The following TENM3 variants were observed in gnomAD, a reference collection of about 807,000 sequenced individuals.
The protein encoded by TENM3 is teneurin-3.
Under a neutral mutation model 255.1 loss-of-function variants are expected in TENM3, and 63 were observed. That is an observed-to-expected ratio of 0.25 (90% CI 0.20 to 0.30). The LOEUF (loss-of-function observed/expected upper bound fraction) is 0.30. Among genes scored for constraint, TENM3 ranks in the 10% least tolerant of loss-of-function variants. TENM3 has a pLI of 1.00. For missense variants in TENM3, 2,929 were observed against 3,461.1 expected, an observed-to-expected ratio of 0.85 and a Z score of 3.86; for synonymous variants, 1,306 against 1,322.3, an observed-to-expected ratio of 0.99 and a Z score of 0.27.
chr4:182,659,640 C>G (rs1754052843), intron 6 of TENM3, among the ~76,000 whole-genome samples: 1 of 152,146 alleles, frequency 6.6e-6, no homozygotes, highest in Admixed American at 6.5e-5. Context: ...TAAGTTCCTT[C>G]AACTCTGACC....
intron 6 of TENM3, among the ~76,000 whole-genome samples, chr4:182,667,291 A>G (rs989287201): frequency 6.6e-6 from 1 of 152,032 alleles, no homozygotes; most frequent in African/African-American, 2.4e-5. Flanking sequence ...CCCAGGTTCA[A>G]GTGATTCTCC....
chr4:181,813,173 C>T, the TENM3 span, among the ~76,000 whole-genome samples: 1 of 152,160 alleles, frequency 6.6e-6, no homozygotes, highest in African/African-American at 2.4e-5. Context: ...TCACCTCACA[C>T]AATGGAAAAG....
At chr4:182,575,318 A>G (rs1744813907) in intron 3 of TENM3, among the ~76,000 whole-genome samples, 1 of 152,208 alleles carries the variant, frequency 6.6e-6, no homozygotes, top group Non-Finnish European at 1.5e-5. Context: ...AGAAAAGAAA[A>G]ACGGGTTGGT....
At chr4:182,308,359 C>T (rs934755078) in intron 1 of TENM3, among the ~76,000 whole-genome samples, 1 of 152,048 alleles carries the variant, frequency 6.6e-6, no homozygotes, top group Admixed American at 6.6e-5. Context: ...CTCTGTCACC[C>T]AGGCTGGAGT....
intron 3 of TENM3, among the ~76,000 whole-genome samples, chr4:182,551,665 G>A (rs942907436): frequency 6.6e-6 from 1 of 152,046 alleles, no homozygotes; most frequent in Non-Finnish European, 1.5e-5. Flanking sequence ...TGTTCATTAT[G>A]CAGACCAGTG....
chr4:181,539,723 C>T, the TENM3 span, among the ~76,000 whole-genome samples: 7 of 152,142 alleles, frequency 4.6e-5, no homozygotes, highest in African/African-American at 1.7e-4. Flanking sequence ...TAAATTAACT[C>T]TTATGTCACT....
chr4:182,168,992 G>C (rs971188779), intron 1 of TENM3, among the ~76,000 whole-genome samples: 1 of 151,646 alleles, frequency 6.6e-6, no homozygotes, highest in Non-Finnish European at 1.5e-5. Context: ...CATTCACATG[G>C]TCCAAAGTGA....
intron 3 of TENM3, among the ~76,000 whole-genome samples, chr4:182,490,447 T>C (rs1018261764): frequency 1.3e-5 from 2 of 152,090 alleles, no homozygotes; most frequent in African/African-American, 2.4e-5. Context: ...TGAGGGACAG[T>C]GCTGGGTGAC....
the TENM3 span, among the ~76,000 whole-genome samples, chr4:181,749,504 C>T: frequency 6.6e-6 from 1 of 152,054 alleles, no homozygotes; most frequent in Non-Finnish European, 1.5e-5. Context: ...CTCATTTCTG[C>T]CCATTCAAAA....
At chr4:182,086,593 T>C in the TENM3 span, among the ~76,000 whole-genome samples, 2 of 152,234 alleles carry the variant, frequency 1.3e-5, no homozygotes, top group South Asian at 4.1e-4. Context: ...TGTAGGAAGG[T>C]GTTTTTTTCT....
chr4:182,740,098 C>A (rs1761488114), intron 18 of TENM3, among the ~76,000 whole-genome samples: 1 of 152,144 alleles, frequency 6.6e-6, no homozygotes, highest in Non-Finnish European at 1.5e-5. Context: ...TCTGAGAAAA[C>A]CAGTAGTAAG....
the TENM3 span, among the ~76,000 whole-genome samples, chr4:181,527,620 GT>G: frequency 2.7e-5 from 4 of 148,358 alleles, no homozygotes; most frequent in East Asian, 7.9e-4. Flanking sequence ...GCCCAGCCAG[GT>G]TTTGTTTTTT....
chr4:182,590,538 C>CAAAAAAAAAAAAAAAAAAAAAAAAAAA (rs34681777), intron 3 of TENM3, among the ~76,000 whole-genome samples: 2 of 79,962 alleles, frequency 2.5e-5, no homozygotes, highest in African/African-American at 5.1e-5. Context: ...GACCCTGTCT[C>CAAAAAAAAAAAAAAAAAAAAAAAAAAA]AAAAAAAAAA....
At chr4:182,333,014 T>C (rs1290881258) in intron 2 of TENM3, among the ~76,000 whole-genome samples, 1 of 152,176 alleles carries the variant, frequency 6.6e-6, no homozygotes, top group East Asian at 1.9e-4. Context: ...TTTCAGAAGA[T>C]GGAGCAAACT....
the TENM3 span, among the ~76,000 whole-genome samples, chr4:181,474,952 T>G: frequency 6.6e-6 from 1 of 152,246 alleles, no homozygotes; most frequent in Admixed American, 6.5e-5. Context: ...TCTAAGCGTA[T>G]GAAAAACACT....
the TENM3 span, among the ~76,000 whole-genome samples, chr4:181,700,578 T>A: frequency 4.6e-5 from 7 of 152,218 alleles, no homozygotes; most frequent in Non-Finnish European, 1.0e-4. Context: ...GCGTAAGGAT[T>A]TTGATGAAAT....
chr4:182,550,123 A>G (rs910086196), intron 3 of TENM3, among the ~76,000 whole-genome samples: 3 of 152,246 alleles, frequency 2.0e-5, no homozygotes, highest in Non-Finnish European at 4.4e-5. Flanking sequence ...TGACCATAAA[A>G]TTATGTGGAA....
At chr4:182,232,333 T>C (rs1412002289) in intron 1 of TENM3, among the ~76,000 whole-genome samples, 1 of 152,228 alleles carries the variant, frequency 6.6e-6, no homozygotes, top group Non-Finnish European at 1.5e-5. Flanking sequence ...GAGCACTTGC[T>C]ACCCCTATTA....
chr4:182,487,009 A>G (rs1324490035), intron 3 of TENM3, among the ~76,000 whole-genome samples: 2 of 152,296 alleles, frequency 1.3e-5, no homozygotes, highest in East Asian at 1.9e-4. Flanking sequence ...TATGTGAGTC[A>G]TCTAGTACCA....
Sources: allele counts gnomAD v4.1 joint callset (sites outside exome capture counted in the v4.1 genomes callset), GRCh38; gene constraint gnomAD v4.1.1; transcripts MANE v1.5; gene names NCBI Gene and HGNC (gene_info 2026-07-23, HGNC 2026-07-21).